The following ITGAM variants were observed in gnomAD, a reference collection of about 807,000 sequenced individuals.
ITGAM encodes the protein integrin alpha-M.
A neutral mutation model predicts 137.5 loss-of-function variants in ITGAM; 79 were observed. The observed-to-expected ratio is 0.57, with a 90% CI of 0.48 to 0.69. ITGAM has a LOEUF of 0.69. Ranked by LOEUF, ITGAM falls within the 30% of genes least tolerant of loss-of-function variation. The probability of loss-of-function intolerance (pLI) is 0.00; values close to 1 mark genes in which losing one functional copy is unlikely to be tolerated. For synonymous variants in ITGAM, 583 were observed against 592.3 expected, an observed-to-expected ratio of 0.98 and a Z score of 0.23; for missense variants, 1,343 against 1,483.5, an observed-to-expected ratio of 0.91 and a Z score of 1.56.
At chr16:31,304,705 C>T (rs1367597386) in intron 14 of ITGAM, among the ~76,000 whole-genome samples, 1 of 152,090 alleles carries the variant, frequency 6.6e-6, no homozygotes, top group Admixed American at 6.6e-5. Context: ...GCGCCATTTA[C>T]TGAATAGGGT....
At chr16:31,311,713 G>C (rs2080333964) in intron 14 of ITGAM, among the ~76,000 whole-genome samples, 1 of 152,148 alleles carries the variant, frequency 6.6e-6, no homozygotes, top group Non-Finnish European at 1.5e-5. Flanking sequence ...CAACCATTGT[G>C]GAAGTCAGTG....
At chr16:31,321,666 C>A (rs367589101) in intron 16 of ITGAM, 39 bp downstream of exon 16, 2 of 1,596,968 alleles carry the variant, frequency 1.3e-6, no homozygotes, top group East Asian at 2.2e-5. Context: ...GTTAAACGAC[C>A]GAGGACATGA....
intron 14 of ITGAM, among the ~76,000 whole-genome samples, chr16:31,299,790 C>CCG (rs2080177699): frequency 3.5e-5 from 4 of 113,736 alleles, no homozygotes; most frequent in Non-Finnish European, 5.4e-5. Flanking sequence ...CTCCGCCTCC[C>CCG]CCTCCTCCTC....
chr16:31,288,617 T>C (rs2080053648), intron 12 of ITGAM, among the ~76,000 whole-genome samples: 1 of 152,126 alleles, frequency 6.6e-6, no homozygotes, highest in East Asian at 1.9e-4. Flanking sequence ...TCAAGATGGA[T>C]TAAAAGCTTA....
Position 31,324,687 on chromosome 16 carries a change from C to A in ITGAM, c.2194C>A (p.Arg732Ser), listed in dbSNP as rs530372107. The A allele has an allele frequency of 3.1e-6, 5 of 1,602,308 alleles. No individual in the cohort carries two copies. Among genetic ancestry groups the A allele is most frequent in the Non-Finnish European group, 4.3e-6 (5 of 1,175,052 alleles). Residue 732 changes from arginine to serine, a missense_variant, in exon 18 of 30, where the codon CGC (arginine) becomes AGC (serine). Arg to Ser is a moderately radical substitution (Grantham distance 110). Transcript: ENST00000544665. This position sits in a 1 kb window ranked among gnomAD's most constrained non-coding sequence, Gnocchi z 4.5. ...GGACCCAGTGAGCCCCATTGTGCTG[C>A]GCCTGAACTTCTCTCTGGTGGGAAC... The part of the protein sequence containing the change: ...IEDPVSPIVL[R>S]LNFSLVGTPL...
intron 15 of ITGAM, 35 bp from the exon 16 acceptor site, chr16:31,321,429 T>G: frequency 6.2e-7 from 1 of 1,613,730 alleles, no homozygotes. Flanking sequence ...GTTTCCTGTT[T>G]GAAGGTCCCT....
At position 31,328,061 on chromosome 16, in the gene ITGAM, T is replaced by C; in HGVS notation, c.2709-86T>C. The C allele has an allele frequency of 4.9e-6, 5 of 1,013,996 alleles. 1 individual carries two copies. The Middle Eastern group carries it at 6.2e-4, about 125-fold the overall frequency. 62.8% of individuals were successfully genotyped at this position (1,013,996 alleles called of 1,614,324 possible). A position where few individuals can be genotyped will look rare whatever the true frequency, so the allele number is the denominator to read the frequency against. On this transcript the variant is annotated intron_variant, in intron 22 of 29. Coordinates refer to ENST00000544665, the MANE Select transcript of ITGAM (RefSeq NM_000632.4). ...AGAGATAACAGAACTTGGTGGCTGA[T>C]TGGAGGCAGGGAGTGAGGGAGAGGG... is the stretch of plus-strand genomic sequence containing the variant.
intron 14 of ITGAM, among the ~76,000 whole-genome samples, chr16:31,317,469 G>A (rs2080404688): frequency 6.6e-6 from 1 of 152,128 alleles, no homozygotes; most frequent in African/African-American, 2.4e-5. Context: ...AAAGCAAAAT[G>A]ATGGTTGCCT....
intron 14 of ITGAM, among the ~76,000 whole-genome samples, chr16:31,307,819 C>T (rs921913699): frequency 6.6e-6 from 1 of 151,970 alleles, no homozygotes; most frequent in African/African-American, 2.4e-5. Context: ...TGAGATATGT[C>T]CTATCAGTAC....
chr16:31,305,559 C>A (rs1276244441), intron 14 of ITGAM, among the ~76,000 whole-genome samples: 1 of 152,126 alleles, frequency 6.6e-6, no homozygotes, highest in Non-Finnish European at 1.5e-5. Context: ...ATGCTTTCAA[C>A]TTTTCCCCCT....
intron 14 of ITGAM, among the ~76,000 whole-genome samples, chr16:31,318,347 T>G (rs944069839): frequency 3.4e-5 from 5 of 148,716 alleles, no homozygotes; most frequent in African/African-American, 1.2e-4. Flanking sequence ...GTCAGTTCTT[T>G]TTTTTTTTTT....
intron 12 of ITGAM, among the ~76,000 whole-genome samples, chr16:31,294,443 G>A (rs1243992449): frequency 6.6e-6 from 1 of 152,106 alleles, no homozygotes; most frequent in Non-Finnish European, 1.5e-5. Context: ...TTAACATAAA[G>A]GGGTGTTGAC....
intron 23 of ITGAM, 99 bp downstream of exon 23, chr16:31,328,329 A>T (rs903590438): frequency 1.4e-4 from 126 of 892,290 alleles, no homozygotes; most frequent in Non-Finnish European, 1.8e-4. Flanking sequence ...TGTGTGTGTG[A>T]GAGTCTGAGG....
chr16:31,264,647 G>GC (rs1444899962), intron 2 of ITGAM, among the ~76,000 whole-genome samples: 80 of 141,708 alleles, frequency 5.6e-4, no homozygotes, highest in Non-Finnish European at 8.4e-4. Flanking sequence ...CTGTCTCAAA[G>GC]AAAAAAAAAA....
At chr16:31,270,716 TATATATATATATATATATATATATATATG>T (rs2079825404) in intron 5 of ITGAM, among the ~76,000 whole-genome samples, 1 of 102,028 alleles carries the variant, frequency 9.8e-6, no homozygotes, top group Non-Finnish European at 2.0e-5. Context: ...TATATATATA[TATATATATATATATATATATATATATATG>T]TTTTTAACGT....
rs887212264 is a variant in ITGAM at position 31,324,292 on chromosome 16, A to G, written c.2003-107A>G. ...AGAAGACTCAGAGAAGTCAGATAAC[A>G]TACCCCAAGTCACACAGCTGAGAAG... On this transcript the variant is annotated intron_variant, in intron 16 of 29. Coordinates refer to ENST00000544665, the MANE Select transcript of ITGAM (RefSeq NM_000632.4). This position sits in a 1 kb window ranked among gnomAD's most constrained non-coding sequence, Gnocchi z 4.5. The G allele has an allele frequency of 1.0e-5, 9 of 859,394 alleles. No individual in the cohort carries two copies. The highest frequency in any genetic ancestry group is 1.7e-5 in the South Asian group (1 of 60,360). The allele number at this position is 859,394 out of a possible 1,614,324, so 53.2% of individuals were successfully genotyped here.
chr16:31,306,814 AG>A (rs1453545714), intron 14 of ITGAM, among the ~76,000 whole-genome samples: 1 of 152,126 alleles, frequency 6.6e-6, no homozygotes, highest in African/African-American at 2.4e-5. Context: ...CTGGCCGCAA[AG>A]TACTCTTAAT....
chr16:31,271,181 C>A, intron 6 of ITGAM, 97 bp downstream of exon 6: 1 of 1,065,954 alleles, frequency 9.4e-7, no homozygotes. Flanking sequence ...CAACTGCAGA[C>A]ATTGCCAAAT....
At position 31,271,873 on chromosome 16, in the gene ITGAM, A is replaced by G; in HGVS notation, c.585A>G (p.Glu195=). The G allele has an allele frequency of 6.2e-7, 1 of 1,614,030 alleles. No homozygotes were observed. Among genetic ancestry groups the G allele is most frequent in the Non-Finnish European group, 8.5e-7 (1 of 1,179,892 alleles). ...TLFSLMQYSE[E]FRIHFTFKEF... is the part of the protein sequence containing the mutation. ...TCTCTTTGATGCAGTACTCTGAAGAATTCCGGATTCACTTTACCTTCAAAG... is the reference window on the plus strand; with the variant it reads ...TCTCTTTGATGCAGTACTCTGAAGAGTTCCGGATTCACTTTACCTTCAAAG... Residue 195 remains glutamate, a synonymous_variant, in exon 7 of 30, where the codon GAA becomes GAG. Transcript: ENST00000544665.
Sources: allele counts gnomAD v4.1 joint callset (sites outside exome capture counted in the v4.1 genomes callset), GRCh38; gene constraint gnomAD v4.1.1; non-coding constraint Gnocchi (gnomAD v3.1); transcripts MANE v1.5; gene names NCBI Gene and HGNC (gene_info 2026-07-23, HGNC 2026-07-21).